The following TTC21B variants were observed in gnomAD, a reference collection of about 807,000 sequenced individuals.
The protein encoded by TTC21B is tetratricopeptide repeat protein 21B.
A neutral mutation model predicts 175.1 loss-of-function variants in TTC21B; 127 were observed. That is an observed-to-expected ratio of 0.73 (90% CI 0.63 to 0.84). The LOEUF is 0.84. Ranked by LOEUF, TTC21B falls within the 40% of genes least tolerant of loss-of-function variation. The pLI is 0.00. For synonymous variants in TTC21B, 524 were observed against 524.5 expected (o/e 1.00, Z 0.01); for missense variants, 1,561 against 1,558.3 (o/e 1.00, Z -0.03).
intron 12 of TTC21B, among the ~76,000 whole-genome samples, chr2:165,920,723 G>A (rs1686357667): frequency 1.3e-5 from 1 of 74,776 alleles, no homozygotes; most frequent in Admixed American, 1.6e-4. Context: ...AGGGTGAGGA[G>A]ATGGATATGT....
chr2:165,936,152 T>C (rs578190173), intron 6 of TTC21B, among the ~76,000 whole-genome samples: 31 of 152,010 alleles, frequency 2.0e-4, no homozygotes, highest in Middle Eastern at 3.4e-3. Context: ...ATCACAGAAA[T>C]AGACCCACAT....
At chr2:165,924,090 T>C (rs541678807) in intron 12 of TTC21B, among the ~76,000 whole-genome samples, 2 of 152,272 alleles carry the variant, frequency 1.3e-5, no homozygotes, top group African/African-American at 4.8e-5. Flanking sequence ...CAGGCATTTG[T>C]CTGTGCCTTA....
intron 11 of TTC21B, among the ~76,000 whole-genome samples, chr2:165,926,613 G>A (rs984296826): frequency 6.6e-5 from 10 of 152,084 alleles, no homozygotes; most frequent in African/African-American, 2.4e-4. Context: ...ACTGAAGGAT[G>A]CAAAGTCTTG....
At chr2:165,921,788 C>CTTTTTT (rs569807955) in intron 12 of TTC21B, among the ~76,000 whole-genome samples, 1 of 129,042 alleles carries the variant, frequency 7.7e-6, no homozygotes, top group African/African-American at 2.8e-5. Context: ...GCTGCTCTTC[C>CTTTTTT]TTTTTTTTTT....
intron 20 of TTC21B, 21 bp downstream of exon 20, chr2:165,901,699 TAA>T (rs927688041): frequency 1.2e-6 from 2 of 1,604,298 alleles, no homozygotes; most frequent in Non-Finnish European, 1.7e-6. Flanking sequence ...AAAAGGTATT[TAA>T]AATTTTATAA....
At chr2:165,902,247 T>C (rs1303373045) in intron 19 of TTC21B, among the ~76,000 whole-genome samples, 1 of 152,174 alleles carries the variant, frequency 6.6e-6, no homozygotes, top group Non-Finnish European at 1.5e-5. Context: ...GTAGAGTAGA[T>C]TGTTATATTG....
At position 165,929,669 on chromosome 2, in the gene TTC21B, T is replaced by G; in HGVS notation, c.1166A>C (p.Gln389Pro). The G allele has an allele frequency of 6.2e-7, 1 of 1,612,234 alleles. No individual in the cohort carries two copies. The highest frequency in any genetic ancestry group is 8.5e-7 in the Non-Finnish European group (1 of 1,178,686). ...CTGTACCGCAGATTTTCCAATGGAT[T>G]GCTGGATTTCATTTAAAAATTCTAG... Reference protein sequence around the residue: ...QQLEFLNEIQQSIGKSAELIY... With the variant: ...QQLEFLNEIQPSIGKSAELIY... Residue 389 changes from glutamine to proline, a missense_variant, in exon 10 of 29, where the codon CAA becomes CCA. Gln to Pro is a moderately conservative substitution (Grantham distance 76). Transcript: ENST00000243344.
chr2:165,901,906 C>T lies in TTC21B; in HGVS notation c.2573G>A (p.Arg858Gln), dbSNP rs147883936. 2.3e-5 allele frequency: 37 copies of T among 1,612,044 alleles called. No individual in the cohort carries two copies. The highest frequency in any genetic ancestry group is 2.3e-5 in the Non-Finnish European group (27 of 1,179,434). ...GDAITALQQARELQARVLKRV... is the reference protein window; with the variant it reads ...GDAITALQQAQELQARVLKRV... ...TTTTAGTACCCGAGCTTGTAATTCT[C>T]GAGCCTAGAAAAAATCAGTATAAAA... Residue 858 changes from arginine to glutamine, a missense_variant, in exon 20 of 29, where the codon CGA (arginine) becomes CAA (glutamine). By Grantham distance (43) the Arg-to-Gln change is conservative. Coordinates refer to ENST00000243344, the MANE Select transcript of TTC21B (RefSeq NM_024753.5).
intron 22 of TTC21B, among the ~76,000 whole-genome samples, chr2:165,892,283 T>TAA (rs1179723432): frequency 1.3e-5 from 2 of 152,168 alleles, no homozygotes; most frequent in Non-Finnish European, 2.9e-5. Flanking sequence ...AAAAGCTTGT[T>TAA]TTAAAGCTAT....
In TTC21B at chr2:165,913,758, G is replaced by GT. The variant is rs1686044195; in HGVS notation, c.2139-113dup. 13 of 859,726 alleles carry GT rather than the reference G, an allele frequency of 1.5e-5. No individual in the cohort carries two copies. The South Asian group carries it at 1.9e-4, about 13-fold the overall frequency. The allele number at this position is 859,726 out of a possible 1,614,324, so 53.3% of individuals were successfully genotyped here. A position where few individuals can be genotyped will look rare whatever the true frequency, so the allele number is the denominator to read the frequency against. ...TTTTAGTTAGCCAGTAGCCTTCAGAGTATCTCTATATACCCAACAGTGTAA... is the reference window on the plus strand; with the variant it reads ...TTTTAGTTAGCCAGTAGCCTTCAGAGTTATCTCTATATACCCAACAGTGTAA... On this transcript the variant is annotated intron_variant, in intron 15 of 28. Coordinates refer to ENST00000243344, the MANE Select transcript of TTC21B (RefSeq NM_024753.5).
intron 28 of TTC21B, 26 bp from the exon 29 acceptor site, chr2:165,874,858 A>G (rs765070296): frequency 1.2e-6 from 2 of 1,604,494 alleles, no homozygotes; most frequent in Non-Finnish European, 1.7e-6. Context: ...AGAACCCATA[A>G]AAACTTGTAA....
intron 6 of TTC21B, 83 bp from the exon 7 acceptor site, chr2:165,933,140 C>T (rs1686976207): frequency 1.8e-6 from 2 of 1,098,346 alleles, no homozygotes; most frequent in South Asian, 2.6e-5. Flanking sequence ...GGTTTGCTTG[C>T]CTCACTATTC....
intron 5 of TTC21B, among the ~76,000 whole-genome samples, chr2:165,941,496 TTAAAA>T (rs1431000599): frequency 3.0e-5 from 3 of 100,040 alleles, no homozygotes. Flanking sequence ...TCTTTTTAGA[TTAAAA>T]TGTTTCCAGG....
chr2:165,928,880 C>G, intron 11 of TTC21B: 2 of 439,718 alleles, frequency 4.5e-6, no homozygotes, highest in South Asian at 4.4e-5. Flanking sequence ...AATTAGATGC[C>G]TTTTAATATT....
intron 21 of TTC21B, 41 bp from the exon 22 acceptor site, chr2:165,898,808 T>G: frequency 8.3e-7 from 1 of 1,206,954 alleles, no homozygotes; most frequent in Non-Finnish European, 1.2e-6. Flanking sequence ...TTGCCATGTA[T>G]TTTACACAAC....
chr2:165,941,736 T>C (rs1042239128), intron 5 of TTC21B, among the ~76,000 whole-genome samples: 5 of 152,104 alleles, frequency 3.3e-5, no homozygotes, highest in African/African-American at 1.2e-4. Flanking sequence ...CAGAATTGTT[T>C]ATGTATAAAA....
Position 165,907,716 on chromosome 2 carries a change from T to C in TTC21B, c.2530A>G (p.Met844Val), listed in dbSNP as rs766811699. 128 of 1,612,944 alleles carry C rather than the reference T, an allele frequency of 7.9e-5. No individual in the cohort carries two copies. In the South Asian group the frequency reaches 1.4e-3, roughly 17 times the overall value. The change falls in exon 19 of 29, where the codon ATG becomes GTG. Residue 844 changes from methionine (M) to valine (V), a missense_variant. Physicochemically the swap from Met to Val is conservative, Grantham distance 21. Transcript: ENST00000243344. ...GTGATCGCATCACCAAGTTTTTCCA[T>C]TTTACTATAAACTTTTGCTAGAAGA... ...QVLLAKVYSK[M>V]EKLGDAITAL...
chr2:165,929,743 A>G lies in TTC21B; in HGVS notation c.1092T>C (p.Phe364=). ...DETSVSALVG[F]IQCQLIEGQL... ...GCCCTTCTATCAACTGACATTGGATAAATCCTAAAATCAAACAGCAGAAAG... is the reference window on the plus strand; with the variant it reads ...GCCCTTCTATCAACTGACATTGGATGAATCCTAAAATCAAACAGCAGAAAG... The change falls in exon 10 of 29, where the codon TTT becomes TTC. Residue 364 remains phenylalanine (F), a synonymous_variant. Transcript: ENST00000243344. 6.2e-7 allele frequency: 1 copy of G among 1,607,624 alleles called. No homozygotes were observed. Among genetic ancestry groups the G allele is most frequent in the Non-Finnish European group, 8.5e-7 (1 of 1,175,404 alleles).
chr2:165,883,962 C>G lies in TTC21B; in HGVS notation c.3516G>C (p.Gln1172His). 1 of 1,614,136 alleles carries G rather than the reference C, an allele frequency of 6.2e-7. No individual in the cohort carries two copies. The highest frequency in any genetic ancestry group is 8.5e-7 in the Non-Finnish European group (1 of 1,180,012). The change falls in exon 26 of 29, where the codon CAG becomes CAC. Residue 1172 changes from glutamine to histidine, a missense_variant. Transcript: ENST00000243344. Reference sequence around the variant, plus strand: ...TCAGCTGGTTTCTGGCTCGTGGAGTCTGTTTCAAGATCATATAAGCCGTTG... The same window carrying G: ...TCAGCTGGTTTCTGGCTCGTGGAGTGTGTTTCAAGATCATATAAGCCGTTG... ...GMATAYMILK[Q>H]TPRARNQLKR...
Sources: gnomAD v4.1 joint callset for allele counts (sites outside exome capture counted in the v4.1 genomes callset) on GRCh38, gnomAD v4.1.1 for gene constraint, MANE v1.5 for transcripts, NCBI Gene and HGNC (gene_info 2026-07-23, HGNC 2026-07-21) for gene names.